The following FANCA variants were observed in gnomAD, a reference collection of about 807,000 sequenced individuals.
The protein encoded by FANCA is Fanconi anemia group A protein.
In FANCA, 236 loss-of-function variants were observed where a neutral mutation model predicts 194.3. That is an observed-to-expected ratio of 1.21 (90% CI 1.09 to 1.35). FANCA has a LOEUF of 1.35. FANCA is among the 40% of genes most tolerant of loss of function. FANCA has a pLI of 0.00. For synonymous variants in FANCA, 1,014 were observed against 715.8 expected (o/e 1.42, Z -6.65); for missense variants, 2,628 against 1,813.9 (o/e 1.45, Z -8.15).
intron 6 of FANCA, among the ~76,000 whole-genome samples, chr16:89,806,293 T>C (rs1416573490): frequency 6.6e-6 from 1 of 151,178 alleles, no homozygotes; most frequent in Non-Finnish European, 1.5e-5. Context: ...CTGGGTAGAG[T>C]GCTCCACAGT....
At position 89,785,853 on chromosome 16, in the gene FANCA, G is replaced by GTTTTTTTTTTTTTTTTTTTTTTTTT. The variant is rs370594051; in HGVS notation, c.1360-890_1360-889insAAAAAAAAAAAAAAAAAAAAAAAAA. 2.7e-5 allele frequency among the ~76,000 whole-genome samples: 3 copies of GTTTTTTTTTTTTTTTTTTTTTTTTT among 113,166 alleles called. 1 individual carries two copies. 74.2% of individuals were successfully genotyped at this position (113,166 alleles called of 152,430 possible). A position where few individuals can be genotyped will look rare whatever the true frequency, so the allele number is the denominator to read the frequency against. On this transcript the variant is annotated intron_variant, in intron 14 of 42. Transcript: ENST00000389301. ...TCTTTCTGAAAGCGTGCAAAATTGTGTTTTGTTTTTTTTTTTTTGGAGACA... is the reference window on the plus strand; with the variant it reads ...TCTTTCTGAAAGCGTGCAAAATTGTGTTTTTTTTTTTTTTTTTTTTTTTTTTTTTGTTTTTTTTTTTTTGGAGACA...
intron 21 of FANCA, among the ~76,000 whole-genome samples, chr16:89,773,959 C>T (rs763698272): frequency 2.6e-5 from 4 of 151,876 alleles, no homozygotes; most frequent in South Asian, 2.1e-4. Context: ...TTAGTAGAGA[C>T]GGGATTTCAC....
intron 17 of FANCA, among the ~76,000 whole-genome samples, chr16:89,780,904 T>C (rs935392525): frequency 6.7e-6 from 1 of 149,470 alleles, no homozygotes; most frequent in African/African-American, 2.5e-5. Context: ...TACTTCAGCC[T>C]GGTCAACAGA....
At chr16:89,740,275 G>C (rs2062096455) in intron 38 of FANCA, 176 bp from the exon 39 acceptor site, 3 of 645,798 alleles carry the variant, frequency 4.6e-6, no homozygotes, top group African/African-American at 1.8e-5. Flanking sequence ...AAGAGGCTCA[G>C]GTAGGAGGCC....
chr16:89,738,981 A>G lies in FANCA; in HGVS notation c.4168-7T>C, dbSNP rs763863651. On this transcript the variant is annotated splice_polypyrimidine_tract_variant and splice_region_variant and intron_variant, in intron 41 of 42. Transcript: ENST00000389301. ...TCAGTTCCACGGGGTTGCCCTAGAGAGAAAACAGGCAAACTCACAGGTTAG... is the reference window on the plus strand; with the variant it reads ...TCAGTTCCACGGGGTTGCCCTAGAGGGAAAACAGGCAAACTCACAGGTTAG... 1 of 1,614,214 alleles carries G rather than the reference A, an allele frequency of 6.2e-7. No individual in the cohort carries two copies. The highest frequency in any genetic ancestry group is 8.5e-7 in the Non-Finnish European group (1 of 1,180,042).
intron 30 of FANCA, 100 bp downstream of exon 30, chr16:89,758,477 G>C: frequency 6.9e-7 from 1 of 1,455,648 alleles, no homozygotes; most frequent in Non-Finnish European, 9.6e-7. Flanking sequence ...CCCACCCTAA[G>C]CTAATTAGAT....
chr16:89,750,895 T>C (rs1299022714), intron 31 of FANCA, among the ~76,000 whole-genome samples: 1 of 134,482 alleles, frequency 7.4e-6, no homozygotes, highest in Non-Finnish European at 1.8e-5. Context: ...AAGTCTTTTG[T>C]TGTTGTTGTT....
chr16:89,783,749 G>A (rs2143467324), intron 15 of FANCA, among the ~76,000 whole-genome samples: 1 of 152,126 alleles, frequency 6.6e-6, no homozygotes, highest in African/African-American at 2.4e-5. Flanking sequence ...GGTCAAAGGG[G>A]ACAGAGGGGA....
At chr16:89,794,206 C>G (rs1018752132) in intron 11 of FANCA, among the ~76,000 whole-genome samples, 2 of 151,828 alleles carry the variant, frequency 1.3e-5, no homozygotes, top group Non-Finnish European at 2.9e-5. Flanking sequence ...TTGTCATATT[C>G]ACAATAAATA....
intron 26 of FANCA, among the ~76,000 whole-genome samples, chr16:89,769,335 G>C (rs943991994): frequency 6.6e-6 from 1 of 152,286 alleles, no homozygotes; most frequent in South Asian, 2.1e-4. Context: ...CCTGTGCGTG[G>C]CAGCTGCAGG....
In FANCA at chr16:89,746,649, G is replaced by C. The variant is rs369073173; in HGVS notation, c.3448C>G (p.Leu1150Val). Residue 1150 changes from leucine (L) to valine (V), a missense_variant, in exon 35 of 43, where the codon CTG becomes GTG. Coordinates refer to ENST00000389301, the MANE Select transcript of FANCA (RefSeq NM_000135.4). The stretch of plus-strand genomic sequence containing the variant: ...TTGGCCAGTATGAAGTCGACCATCA[G>C]GGAGGGGTCTCTGCTCCGCAGACAG... ...NACLRSRDPS[L>V]MVDFILAKCQ... 6.2e-7 allele frequency: 1 copy of C among 1,614,174 alleles called. No individual in the cohort carries two copies. Among genetic ancestry groups the C allele is most frequent in the Non-Finnish European group, 8.5e-7 (1 of 1,180,030 alleles).
rs765888048 is a variant in FANCA, at chr16:89,769,864, G to A, written c.2477C>T (p.Thr826Met). 3.1e-6 allele frequency: 5 copies of A among 1,613,982 alleles called. No homozygotes were observed. Among genetic ancestry groups the A allele is most frequent in the East Asian group, 2.2e-5 (1 of 44,882 alleles). ...ALFDSLLTCR[T>M]RDSLFFCLKF... is the part of the protein sequence containing the mutation. ...CAGGCAGAAGAACAAGGAATCCCTC[G>A]TCCTACAGGTCAGGAGGCTGTCAAA... Residue 826 changes from threonine (T) to methionine (M), a missense_variant, in exon 26 of 43, where the codon ACG becomes ATG. Physicochemically the swap from Thr to Met is moderately conservative, Grantham distance 81. Coordinates refer to ENST00000389301, the MANE Select transcript of FANCA (RefSeq NM_000135.4).
At chr16:89,803,884 G>C (rs796559135) in intron 7 of FANCA, among the ~76,000 whole-genome samples, 3 of 152,050 alleles carry the variant, frequency 2.0e-5, no homozygotes, top group Non-Finnish European at 4.4e-5. Flanking sequence ...CTCCCAAAGT[G>C]CTGGGATTAC....
At chr16:89,776,334 A>AT (rs1308934563) in intron 20 of FANCA, among the ~76,000 whole-genome samples, 2 of 150,506 alleles carry the variant, frequency 1.3e-5, no homozygotes, top group Non-Finnish European at 3.0e-5. Context: ...GGCCCAGCTA[A>AT]TTTTTTGTAT....
chr16:89,799,474 C>G (rs1370389356), intron 9 of FANCA, 131 bp downstream of exon 9: 7 of 1,034,198 alleles, frequency 6.8e-6, no homozygotes, highest in Non-Finnish European at 9.1e-6. Context: ...CAAGGGCATT[C>G]CAGTACCAGG....
intron 13 of FANCA, 40 bp downstream of exon 13, chr16:89,791,887 C>T (rs2040087701): frequency 1.2e-6 from 2 of 1,613,476 alleles, no homozygotes; most frequent in Admixed American, 3.3e-5. Context: ...CCCCTACACA[C>T]ACTCTTGACC....
intron 20 of FANCA, 55 bp downstream of exon 20, chr16:89,778,746 G>T: frequency 6.6e-7 from 1 of 1,515,814 alleles, no homozygotes; most frequent in Non-Finnish European, 9.1e-7. Flanking sequence ...ACAATTCTTC[G>T]CATTGTCAGA....
At chr16:89,772,818 CAA>C (rs57304619) in intron 22 of FANCA, among the ~76,000 whole-genome samples, 19 of 139,632 alleles carry the variant, frequency 1.4e-4, no homozygotes, top group South Asian at 4.5e-4. Context: ...GACTCTGTCT[CAA>C]AAAAAAAAAA....
At chr16:89,758,536 C>T in intron 30 of FANCA, 41 bp downstream of exon 30, 2 of 1,607,368 alleles carry the variant, frequency 1.2e-6, no homozygotes, top group Non-Finnish European at 1.7e-6. Flanking sequence ...CCTATTAGTC[C>T]TGTCCCTCCA....
Sources: allele counts gnomAD v4.1 joint callset (sites outside exome capture counted in the v4.1 genomes callset), GRCh38; gene constraint gnomAD v4.1.1; transcripts MANE v1.5; gene names NCBI Gene and HGNC (gene_info 2026-07-23, HGNC 2026-07-21).